The following SHC3 variants were observed in gnomAD, a reference collection of about 807,000 sequenced individuals.
SHC3 encodes SHC-transforming protein 3.
In SHC3, 15 loss-of-function variants were observed where a neutral mutation model predicts 60.4. The ratio of observed to expected loss-of-function variants is 0.25; its 90% confidence interval spans 0.17 to 0.38. The LOEUF is 0.38. SHC3 is among the 10% of genes least tolerant of loss of function. SHC3 has a pLI of 1.00. For missense variants in SHC3, 677 were observed against 786.1 expected, an observed-to-expected ratio of 0.86 and a Z score of 1.66; for synonymous variants, 294 against 325.9, an observed-to-expected ratio of 0.90 and a Z score of 1.05.
At chr9:89,145,110 G>A (rs1043794332) in intron 1 of SHC3, among the ~76,000 whole-genome samples, 1 of 152,160 alleles carries the variant, frequency 6.6e-6, no homozygotes, top group South Asian at 2.1e-4. Flanking sequence ...ATCCCCAGGA[G>A]TACAGAAGAG....
intron 1 of SHC3, among the ~76,000 whole-genome samples, chr9:89,174,387 C>T (rs192504194): frequency 5.3e-5 from 8 of 152,318 alleles, no homozygotes; most frequent in Non-Finnish European, 1.2e-4. Context: ...CTTTTCTGAT[C>T]GTTAAATCTC....
intron 1 of SHC3, among the ~76,000 whole-genome samples, chr9:89,147,261 G>C (rs1480838966): frequency 5.3e-5 from 8 of 152,018 alleles, no homozygotes; most frequent in African/African-American, 1.9e-4. Context: ...TCTTGGTGCT[G>C]GGTAGGGCAC....
At chr9:89,047,495 T>C (rs1189401436) in intron 7 of SHC3, among the ~76,000 whole-genome samples, 1 of 152,236 alleles carries the variant, frequency 6.6e-6, no homozygotes, top group Admixed American at 6.5e-5. Flanking sequence ...TGCTAACATG[T>C]ATCTTAAATG....
chr9:89,125,505 C>G (rs1226353182), intron 1 of SHC3, among the ~76,000 whole-genome samples: 1 of 152,112 alleles, frequency 6.6e-6, no homozygotes, highest in Non-Finnish European at 1.5e-5. Context: ...CAGAGCAACT[C>G]CATCTTGAAT....
intron 11 of SHC3, among the ~76,000 whole-genome samples, chr9:89,027,203 G>T (rs1826325728): frequency 6.6e-6 from 1 of 152,190 alleles, no homozygotes; most frequent in Non-Finnish European, 1.5e-5. Context: ...GAAAAGAGAG[G>T]AAACTTCCTT....
At chr9:89,110,303 TA>T (rs1404377648) in intron 2 of SHC3, 1 of 984,612 alleles carries the variant, frequency 1.0e-6, no homozygotes, top group African/African-American at 1.7e-5. Flanking sequence ...TATCTGCTTA[TA>T]AAAATATTTT....
chr9:89,127,917 AG>A (rs1189036943), intron 1 of SHC3, among the ~76,000 whole-genome samples: 2 of 151,962 alleles, frequency 1.3e-5, no homozygotes, highest in Non-Finnish European at 2.9e-5. Context: ...CCTGCTTATT[AG>A]GCTGTAGAAA....
intron 2 of SHC3, among the ~76,000 whole-genome samples, chr9:89,086,121 C>A (rs548307421): frequency 1.3e-5 from 2 of 152,302 alleles, no homozygotes; most frequent in South Asian, 4.1e-4. Flanking sequence ...ATGGAAGAAA[C>A]AAAACTGTTT....
intron 9 of SHC3, among the ~76,000 whole-genome samples, chr9:89,042,719 G>T (rs1045562226): frequency 9.9e-5 from 15 of 152,224 alleles, no homozygotes; most frequent in Non-Finnish European, 1.5e-5. Flanking sequence ...CCCTGGGTCT[G>T]TGAAGGAAGC....
chr9:89,065,416 G>A lies in SHC3; in HGVS notation c.835+113C>T. ...ACCTCATTCATCCTTAGTAATACAA[G>A]ATGGCACTACTCATTTGTTGGGAGG... is the stretch of plus-strand genomic sequence containing the variant. On this transcript the variant is annotated intron_variant, in intron 6 of 11. Coordinates refer to ENST00000375835, the MANE Select transcript of SHC3 (RefSeq NM_016848.6). 2.7e-6 allele frequency: 3 copies of A among 1,101,216 alleles called. No individual in the cohort carries two copies. In the Admixed American group the frequency reaches 5.5e-5, roughly 20 times the overall value. The allele number at this position is 1,101,216 out of a possible 1,614,324, so 68.2% of individuals were successfully genotyped here.
At position 89,006,193 on chromosome 9, in the gene SHC3, C is replaced by T. The variant is rs1423292959; in HGVS notation, c.*7254G>A. The T allele has an allele frequency of 6.6e-6, 1 of 152,206 alleles. No homozygotes were observed. The highest frequency in any genetic ancestry group is 1.5e-5 in the Non-Finnish European group (1 of 68,038). The allele number at this position is 152,206 out of a possible 1,614,324, so 9.4% of individuals were successfully genotyped here. A position where few individuals can be genotyped will look rare whatever the true frequency, so the allele number is the denominator to read the frequency against. On this transcript the variant is annotated 3_prime_UTR_variant, in exon 12 of 12. Coordinates refer to ENST00000375835, the MANE Select transcript of SHC3 (RefSeq NM_016848.6). ...CTGGGGATGCGATGCCGTGCCTGCA[C>T]TTGGCGATCCCAGGAGCACAGAAAT...
rs769513574 is a variant in SHC3, at chr9:89,065,556, C to T, written c.808G>A (p.Val270Met). ...CTGCGATTAACAGGGTCCTTAGCCA[C>T]ATATGCAACATAGTCAGTTGTGTCC... ...DPDTTDYVAY[V>M]AKDPVNRRAC... The change falls in exon 6 of 12, where the codon GTG becomes ATG. Residue 270 changes from valine to methionine, a missense_variant. By Grantham distance (21) the Val-to-Met change is conservative (BLOSUM62 1). Transcript: ENST00000375835. 2 of 1,614,134 alleles carry T rather than the reference C, an allele frequency of 1.2e-6. No homozygotes were observed. Among genetic ancestry groups the T allele is most frequent in the South Asian group, 1.1e-5 (1 of 91,080 alleles).
intron 1 of SHC3, among the ~76,000 whole-genome samples, chr9:89,140,882 T>C (rs1587749269): frequency 6.6e-6 from 1 of 152,216 alleles, no homozygotes; most frequent in East Asian, 1.9e-4. Flanking sequence ...GAAAAACTTT[T>C]TTCAGAAAGA....
rs1166229213 is a variant in SHC3, at chr9:89,052,126, C to G, written c.873G>C (p.Gln291His). Residue 291 changes from glutamine to histidine, a missense_variant, in exon 7 of 12, where the codon CAG (glutamine) becomes CAC (histidine). Physicochemically the swap from Gln to His is conservative, Grantham distance 24 (BLOSUM62 0). Transcript: ENST00000375835. The stretch of plus-strand genomic sequence containing the variant: ...CTTGTCCGATGGAGCCGATGACATC[C>G]TGGGCCAGCCCATCACAGCATTCCA... Reference protein sequence around the residue: ...HILECCDGLAQDVIGSIGQAF... With the variant: ...HILECCDGLAHDVIGSIGQAF... The G allele has an allele frequency of 1.2e-6, 2 of 1,614,086 alleles. No homozygotes were observed. Among genetic ancestry groups the G allele is most frequent in the Non-Finnish European group, 1.7e-6 (2 of 1,179,968 alleles).
chr9:89,071,071 G>A, intron 5 of SHC3, 128 bp downstream of exon 5: 1 of 755,216 alleles, frequency 1.3e-6, no homozygotes, highest in Non-Finnish European at 2.1e-6. Context: ...ATGGAAATCA[G>A]GAGGGGGAAA....
At chr9:89,175,665 TATATC>T (rs1197407558) in intron 1 of SHC3, among the ~76,000 whole-genome samples, 1 of 152,194 alleles carries the variant, frequency 6.6e-6, no homozygotes, top group African/African-American at 2.4e-5. Flanking sequence ...AGAAAAAAAT[TATATC>T]AAAGAGAATA....
chr9:89,055,265 AG>A (rs1824930114), intron 6 of SHC3, among the ~76,000 whole-genome samples: 1 of 152,238 alleles, frequency 6.6e-6, no homozygotes, highest in South Asian at 2.1e-4. Context: ...ATAAGCCCAG[AG>A]GCTAGTAGCT....
At chr9:89,099,542 A>G (rs56286318) in intron 2 of SHC3, among the ~76,000 whole-genome samples, 12,946 of 152,246 alleles carry the variant, frequency 0.085, 649 homozygotes, top group Admixed American at 0.13. Flanking sequence ...TGCAAGCTTT[A>G]ATGCTTGACC....
intron 4 of SHC3, among the ~76,000 whole-genome samples, chr9:89,071,965 C>A (rs1308621398): frequency 1.3e-5 from 2 of 152,214 alleles, no homozygotes; most frequent in East Asian, 3.8e-4. Flanking sequence ...ACATCACTTG[C>A]CCCAGACTGG....
Sources: allele counts gnomAD v4.1 joint callset (sites outside exome capture counted in the v4.1 genomes callset), GRCh38; gene constraint gnomAD v4.1.1; transcripts MANE v1.5; gene names NCBI Gene and HGNC (gene_info 2026-07-23, HGNC 2026-07-21).